SPOCK3: variants seen among roughly 807,000 people sequenced by gnomAD.
SPOCK3 encodes the protein SPARC (osteonectin), cwcv and kazal like domains proteoglycan 3, also known as testican-3.
A neutral mutation model predicts 56.6 loss-of-function variants in SPOCK3; 30 were observed. That is an observed-to-expected ratio of 0.53 (90% CI 0.40 to 0.72). SPOCK3 has a LOEUF of 0.72. SPOCK3 is among the 30% of genes least tolerant of loss of function. SPOCK3 has a pLI of 0.00. For missense variants in SPOCK3, 527 were observed against 530.0 expected (o/e 0.99, Z 0.06); for synonymous variants, 196 against 183.3 (o/e 1.07, Z -0.56).
chr4:167,027,443 T>C (rs765801801), intron 3 of SPOCK3, among the ~76,000 whole-genome samples: 13 of 151,938 alleles, frequency 8.6e-5, no homozygotes, highest in Non-Finnish European at 1.5e-4. Context: ...GTTTGGGGAT[T>C]TTCTTTGTAC....
chr4:167,054,337 T>C (rs897326735), intron 3 of SPOCK3, among the ~76,000 whole-genome samples: 3 of 152,208 alleles, frequency 2.0e-5, no homozygotes, highest in African/African-American at 7.2e-5. Context: ...CTACAGCATA[T>C]TCATCTAAAG....
rs1294428069 is a variant in SPOCK3, at chr4:167,215,533, GA to G, written c.189+18451del. 2.0e-5 allele frequency among the ~76,000 whole-genome samples: 3 copies of G among 152,256 alleles called. No homozygotes were observed. In the East Asian group the frequency reaches 5.8e-4, roughly 29 times the overall value. On this transcript the variant is annotated intron_variant, in intron 2 of 10. Coordinates refer to ENST00000357545, the MANE Select transcript of SPOCK3 (RefSeq NM_001040159.2). ...AGGACAAAGGCCGCCTTTTCTAGAT[GA>G]AAAACTCACTGTGAGGAAGACACAA...
At chr4:167,090,754 C>T (rs1049108393) in intron 2 of SPOCK3, among the ~76,000 whole-genome samples, 4 of 152,088 alleles carry the variant, frequency 2.6e-5, no homozygotes, top group South Asian at 2.1e-4. Context: ...CCACCCACCT[C>T]GTCCTCCCAA....
chr4:167,010,519 C>CAAA (rs11408189), intron 3 of SPOCK3, among the ~76,000 whole-genome samples: 16 of 109,688 alleles, frequency 1.5e-4, no homozygotes, highest in Admixed American at 2.1e-4. Context: ...GACTCTGTCT[C>CAAA]AAAAAAAAAA....
At chr4:167,172,913 GA>G (rs1561290510) in intron 2 of SPOCK3, among the ~76,000 whole-genome samples, 1 of 151,932 alleles carries the variant, frequency 6.6e-6, no homozygotes, top group South Asian at 2.1e-4. Context: ...ATTTCAGGTA[GA>G]AATTATTTTA....
At chr4:166,782,399 G>A (rs983492443) in intron 7 of SPOCK3, among the ~76,000 whole-genome samples, 1 of 152,100 alleles carries the variant, frequency 6.6e-6, no homozygotes, top group Non-Finnish European at 1.5e-5. Flanking sequence ...TGTTCTAAAA[G>A]TACTCACTAA....
chr4:166,984,028 TA>T (rs1047225861), intron 4 of SPOCK3, among the ~76,000 whole-genome samples: 23 of 152,014 alleles, frequency 1.5e-4, no homozygotes, highest in Non-Finnish European at 2.7e-4. Flanking sequence ...GTAGAAAACC[TA>T]AAAAATAATA....
chr4:167,175,792 G>C (rs952026531), intron 2 of SPOCK3, among the ~76,000 whole-genome samples: 2 of 151,996 alleles, frequency 1.3e-5, no homozygotes, highest in African/African-American at 4.8e-5. Context: ...TGAGAAAATA[G>C]ATTTATGCTA....
Position 166,760,851 on chromosome 4 carries a change from C to T in SPOCK3, c.710-6122G>A, listed in dbSNP as rs1330354281. Among the ~76,000 whole-genome samples, 16 of 41,698 alleles carry T rather than the reference C, an allele frequency of 3.8e-4. 7 individuals are homozygous for T. Among genetic ancestry groups the T allele is most frequent in the Admixed American group, 3.2e-3 (14 of 4,330 alleles). 27.4% of individuals were successfully genotyped at this position (41,698 alleles called of 152,430 possible). On this transcript the variant is annotated intron_variant, in intron 7 of 10. Transcript: ENST00000357545. ...TAGGCATGGGCAAGGACTTCATGTCCAAAACACCAAAAGCAATGCAACAAA... is the reference window on the plus strand; with the variant it reads ...TAGGCATGGGCAAGGACTTCATGTCTAAAACACCAAAAGCAATGCAACAAA...
At chr4:167,194,050 T>G (rs1305024936) in intron 2 of SPOCK3, among the ~76,000 whole-genome samples, 1 of 152,214 alleles carries the variant, frequency 6.6e-6, no homozygotes, top group Non-Finnish European at 1.5e-5. Flanking sequence ...CTACACTGTT[T>G]TGCATTCTCT....
chr4:167,224,619 A>T (rs1357727093), intron 2 of SPOCK3, among the ~76,000 whole-genome samples: 1 of 152,204 alleles, frequency 6.6e-6, no homozygotes, highest in African/African-American at 2.4e-5. Context: ...ACTTAACAAA[A>T]AAGATATATA....
At chr4:166,833,534 G>A (rs1746301595) in intron 6 of SPOCK3, among the ~76,000 whole-genome samples, 1 of 152,068 alleles carries the variant, frequency 6.6e-6, no homozygotes, top group Non-Finnish European at 1.5e-5. Flanking sequence ...GTTGTTAGGT[G>A]CAAACACATT....
At chr4:166,781,916 C>T (rs1490534954) in intron 7 of SPOCK3, among the ~76,000 whole-genome samples, 1 of 152,070 alleles carries the variant, frequency 6.6e-6, no homozygotes, top group East Asian at 1.9e-4. Flanking sequence ...ACCCAGTATA[C>T]TTTACCCAGT....
chr4:166,851,908 C>A lies in SPOCK3; in HGVS notation c.589+37222G>T, dbSNP rs1356359986. On this transcript the variant is annotated intron_variant, in intron 6 of 10. Coordinates refer to ENST00000357545, the MANE Select transcript of SPOCK3 (RefSeq NM_001040159.2). ...ACTTGGAACCAACCCAAATGTCCAA[C>A]AATGATAGATTGGATTAAGAAAATG... Among the ~76,000 whole-genome samples, 11 of 151,816 alleles carry A rather than the reference C, an allele frequency of 7.2e-5. No homozygotes were observed. The East Asian group carries it at 2.1e-3, about 29-fold the overall frequency.
intron 7 of SPOCK3, among the ~76,000 whole-genome samples, chr4:166,765,466 T>G (rs1737879021): frequency 6.6e-6 from 1 of 152,216 alleles, no homozygotes; most frequent in Non-Finnish European, 1.5e-5. Flanking sequence ...TTTCTTGTTT[T>G]TGTCAGGTTT....
intron 4 of SPOCK3, among the ~76,000 whole-genome samples, chr4:166,950,206 A>T (rs1324732917): frequency 2.6e-5 from 4 of 151,890 alleles, no homozygotes; most frequent in South Asian, 4.1e-4. Flanking sequence ...ATGTGCAGAG[A>T]CACACATAGG....
At chr4:166,738,453 C>G (rs1311375159) in intron 9 of SPOCK3, among the ~76,000 whole-genome samples, 2 of 150,696 alleles carry the variant, frequency 1.3e-5, no homozygotes, top group African/African-American at 2.4e-5. Flanking sequence ...TAATTTTACT[C>G]TATGGTTTTT....
chr4:167,080,957 T>C (rs564052402), intron 2 of SPOCK3, among the ~76,000 whole-genome samples: 2 of 149,926 alleles, frequency 1.3e-5, no homozygotes, highest in East Asian at 2.0e-4. Flanking sequence ...CTCGTCTCAC[T>C]GCAACCTCCT....
chr4:166,961,516 G>T (rs1744144904), intron 4 of SPOCK3, among the ~76,000 whole-genome samples: 1 of 149,308 alleles, frequency 6.7e-6, no homozygotes, highest in South Asian at 2.1e-4. Flanking sequence ...CATGGGCAAA[G>T]AAACCAAGAT....
Sources: gnomAD v4.1 joint callset for allele counts (sites outside exome capture counted in the v4.1 genomes callset) on GRCh38, gnomAD v4.1.1 for gene constraint, MANE v1.5 for transcripts, NCBI Gene and HGNC (gene_info 2026-07-23, HGNC 2026-07-21) for gene names.